Variants in BRAP observed in about 807,000 individuals in gnomAD.
BRAP encodes BRCA1 associated protein.
A neutral mutation model predicts 73.4 loss-of-function variants in BRAP; 42 were observed. The ratio of observed to expected loss-of-function variants is 0.57; its 90% confidence interval spans 0.45 to 0.74. The LOEUF is 0.74. Among genes scored for constraint, BRAP ranks in the 30% least tolerant of loss-of-function variants. The pLI is 0.00. For missense variants in BRAP, 593 were observed against 751.4 expected (o/e 0.79, Z 2.46); for synonymous variants, 255 against 267.4 (o/e 0.95, Z 0.45).
At position 111,665,808 on chromosome 12, in the gene BRAP, A is replaced by G. The variant is rs1408197681; in HGVS notation, c.748-21T>C. The G allele has an allele frequency of 6.2e-7, 1 of 1,613,978 alleles. No homozygotes were observed. Among genetic ancestry groups the G allele is most frequent in the Non-Finnish European group, 8.5e-7 (1 of 1,179,896 alleles). ...GCGCCCTACAGGAAACACCTCACAT[A>G]AGCCTCACTCTTCATCTACCAGCAA... is the stretch of plus-strand genomic sequence containing the variant. On this transcript the variant is annotated intron_variant, in intron 5 of 11. Coordinates refer to ENST00000419234, the MANE Select transcript of BRAP (RefSeq NM_006768.5). This position sits in a 1 kb window ranked among gnomAD's most constrained non-coding sequence, Gnocchi z 4.3.
intron 10 of BRAP, among the ~76,000 whole-genome samples, chr12:111,651,502 A>G (rs1886321597): frequency 6.6e-6 from 1 of 151,804 alleles, no homozygotes; most frequent in Admixed American, 6.6e-5. Flanking sequence ...ACACCACTGC[A>G]CTCTAGCCTG....
intron 5 of BRAP, among the ~76,000 whole-genome samples, chr12:111,666,199 A>G (rs933767822): frequency 1.6e-4 from 25 of 152,204 alleles, no homozygotes; most frequent in African/African-American, 5.8e-4. Context: ...GCGGTGAACA[A>G]AACAAAGATC....
chr12:111,661,600 C>A (rs917234165), intron 6 of BRAP, among the ~76,000 whole-genome samples: 1 of 151,754 alleles, frequency 6.6e-6, no homozygotes, highest in Non-Finnish European at 1.5e-5. Context: ...TTTACTCCAA[C>A]AAACAACCTG....
rs751252301 is a variant in BRAP, at chr12:111,665,461, C to T, written c.896+178G>A. Among the ~76,000 whole-genome samples, 1 of 151,930 alleles carries T rather than the reference C, an allele frequency of 6.6e-6. No individual in the cohort carries two copies. Among genetic ancestry groups the T allele is most frequent in the African/African-American group, 2.4e-5 (1 of 41,362 alleles). ...TCCACAAGGGTTCAGAATCAGCATA[C>T]TAAAAAAGGACTTGGTCTCAGAATG... On this transcript the variant is annotated intron_variant, in intron 6 of 11. Coordinates refer to ENST00000419234, the MANE Select transcript of BRAP (RefSeq NM_006768.5). This position sits in a 1 kb window ranked among gnomAD's most constrained non-coding sequence, Gnocchi z 4.3.
Position 111,665,767 on chromosome 12 carries a change from C to T in BRAP, c.768G>A (p.Met256Ile). The change falls in exon 6 of 12, where the codon ATG (methionine) becomes ATA (isoleucine). Residue 256 changes from methionine to isoleucine, a missense_variant. Met to Ile is a conservative substitution (Grantham distance 10). Transcript: ENST00000419234. The surrounding 1 kb of genome is among the most constrained non-coding windows in gnomAD (Gnocchi z 4.3). The part of the protein sequence containing the change: ...KSEDGASLPV[M>I]DLTELPKCTV... ...TGCACTTGGGGAGTTCAGTCAGGTC[C>T]ATCACTGGGAGGCTGGCGCCCTACA... The T allele has an allele frequency of 6.2e-7, 1 of 1,614,246 alleles. No homozygotes were observed. The highest frequency in any genetic ancestry group is 8.5e-7 in the Non-Finnish European group (1 of 1,180,046).
intron 10 of BRAP, among the ~76,000 whole-genome samples, chr12:111,654,935 C>T (rs2135901438): frequency 6.6e-6 from 1 of 152,312 alleles, no homozygotes; most frequent in Admixed American, 6.5e-5. Context: ...TACACAGATG[C>T]TTACTAGTTT....
Position 111,685,838 on chromosome 12 carries a change from C to G in BRAP, c.-46G>C, listed in dbSNP as rs1359785192. 2 of 1,347,534 alleles carry G rather than the reference C, an allele frequency of 1.5e-6. No individual in the cohort carries two copies. The highest frequency in any genetic ancestry group is 1.6e-5 in the African/African-American group (1 of 63,812). 83.5% of individuals were successfully genotyped at this position (1,347,534 alleles called of 1,614,324 possible). A position where few individuals can be genotyped will look rare whatever the true frequency, so the allele number is the denominator to read the frequency against. On this transcript the variant is annotated 5_prime_UTR_variant, in exon 1 of 12. Transcript: ENST00000419234. ...CGGGCCCCGGCGGGCTCAGGCGAGG[C>G]TGGAAGGCGAGCCGAGAGGCCGAGC...
intron 6 of BRAP, among the ~76,000 whole-genome samples, 180 bp from the exon 7 acceptor site, chr12:111,660,855 C>T (rs1001505123): frequency 4.6e-5 from 7 of 152,060 alleles, no homozygotes; most frequent in Non-Finnish European, 8.8e-5. Context: ...CTTGATAAAA[C>T]AGAGAACAGA....
chr12:111,674,977 C>A (rs933155995), intron 4 of BRAP, among the ~76,000 whole-genome samples: 1 of 152,200 alleles, frequency 6.6e-6, no homozygotes, highest in African/African-American at 2.4e-5. Context: ...AAACGACCAG[C>A]CTCCTCTACA....
At chr12:111,663,589 A>C (rs1039457592) in intron 6 of BRAP, among the ~76,000 whole-genome samples, 2 of 152,214 alleles carry the variant, frequency 1.3e-5, no homozygotes, top group Non-Finnish European at 1.5e-5. Flanking sequence ...TCTATCAAAA[A>C]GACCAACACT....
At chr12:111,683,388 CT>C in intron 1 of BRAP, 81 bp from the exon 2 acceptor site, 5 of 1,461,308 alleles carry the variant, frequency 3.4e-6, no homozygotes, top group Non-Finnish European at 4.6e-6. Flanking sequence ...TTAGGTTTTC[CT>C]TTTCTTTCTC....
chr12:111,669,932 T>C (rs1887105893), intron 5 of BRAP: 1 of 626,012 alleles, frequency 1.6e-6, no homozygotes, highest in Non-Finnish European at 2.9e-6. Flanking sequence ...AAACCCATGC[T>C]TTCTTTTATT....
At chr12:111,649,432 C>T (rs764963409) in intron 11 of BRAP, among the ~76,000 whole-genome samples, 2 of 152,196 alleles carry the variant, frequency 1.3e-5, no homozygotes, top group East Asian at 3.8e-4. Flanking sequence ...GGATTACAGG[C>T]GTAAGCCACC....
intron 9 of BRAP, among the ~76,000 whole-genome samples, chr12:111,656,193 C>T (rs906861028): frequency 2.6e-5 from 4 of 152,162 alleles, no homozygotes; most frequent in African/African-American, 9.7e-5. Flanking sequence ...TGGTGGATGT[C>T]GAGAATTGTT....
chr12:111,669,756 G>C, intron 5 of BRAP: 1 of 316,016 alleles, frequency 3.2e-6, no homozygotes, highest in Non-Finnish European at 6.0e-6. Flanking sequence ...GAAAAAAAAA[G>C]TGGCTCCAAA....
Position 111,679,144 on chromosome 12 carries a change from C to T in BRAP, c.633+7G>A. On this transcript the variant is annotated splice_region_variant and intron_variant, in intron 4 of 11. Transcript: ENST00000419234. ...AAGAGATTTTTAATAAATTTAATAA[C>T]TTTTACCTGTGCACGAAACTTTATC... 6.6e-7 allele frequency: 1 copy of T among 1,509,394 alleles called. No individual in the cohort carries two copies. Among genetic ancestry groups the T allele is most frequent in the South Asian group, 1.4e-5 (1 of 72,978 alleles). 93.5% of individuals were successfully genotyped at this position (1,509,394 alleles called of 1,614,324 possible).
chr12:111,650,882 A>G (rs1886291865), intron 10 of BRAP, among the ~76,000 whole-genome samples: 1 of 152,214 alleles, frequency 6.6e-6, no homozygotes, highest in African/African-American at 2.4e-5. Flanking sequence ...TTCATATTAC[A>G]CAGCCTTAAA....
rs1317414286 is a variant in BRAP, at chr12:111,643,555, GCC to G, written c.*642_*643del. 6.6e-6 allele frequency: 1 copy of G among 152,104 alleles called. No homozygotes were observed. 9.4% of individuals were successfully genotyped at this position (152,104 alleles called of 1,614,324 possible). On this transcript the variant is annotated 3_prime_UTR_variant, in exon 12 of 12. Coordinates refer to ENST00000419234, the MANE Select transcript of BRAP (RefSeq NM_006768.5). ...TTCCTACACTGAGTCTACCCAATGT[GCC>G]CCGGGTTGTTTGTTTTTCCTGGCTG...
chr12:111,649,097 G>A (rs910624826), intron 11 of BRAP, among the ~76,000 whole-genome samples: 3 of 152,040 alleles, frequency 2.0e-5, no homozygotes, highest in Admixed American at 2.0e-4. Flanking sequence ...GAAAGTATAG[G>A]GTAATTTTTA....
Sources: allele counts gnomAD v4.1 joint callset (sites outside exome capture counted in the v4.1 genomes callset), GRCh38; gene constraint gnomAD v4.1.1; non-coding constraint Gnocchi (gnomAD v3.1); transcripts MANE v1.5; gene names NCBI Gene and HGNC (gene_info 2026-07-23, HGNC 2026-07-21).